The following RASIP1 variants were observed in gnomAD, a reference collection of about 807,000 sequenced individuals.
The protein encoded by RASIP1 is Ras interacting protein 1, also known as ras-interacting protein 1.
Under a neutral mutation model 85.3 loss-of-function variants are expected in RASIP1, and 20 were observed. That is an observed-to-expected ratio of 0.23 (90% CI 0.17 to 0.34). The LOEUF (loss-of-function observed/expected upper bound fraction) is 0.34. Ranked by LOEUF, RASIP1 falls within the 10% of genes least tolerant of loss-of-function variation. RASIP1 has a pLI of 1.00. For missense variants in RASIP1, 1,170 were observed against 1,390.9 expected (o/e 0.84, Z 2.53); for synonymous variants, 617 against 647.1 (o/e 0.95, Z 0.71).
chr19:48,727,869 G>A (rs1411370741), intron 5 of RASIP1, among the ~76,000 whole-genome samples: 1 of 151,488 alleles, frequency 6.6e-6, no homozygotes, highest in African/African-American at 2.4e-5. Context: ...TGCATTTTTA[G>A]TAGAGACGGG....
intron 4 of RASIP1, among the ~76,000 whole-genome samples, chr19:48,734,550 C>T (rs964646552): frequency 6.7e-5 from 10 of 148,202 alleles, no homozygotes; most frequent in Non-Finnish European, 1.3e-4. Flanking sequence ...TGCAATGGAA[C>T]GATCTTGGCT....
rs1424604370 is a variant in RASIP1, at chr19:48,732,048, C to G, written c.1180-2458G>C. Among the ~76,000 whole-genome samples, 2 of 146,248 alleles carry G rather than the reference C, an allele frequency of 1.4e-5. 1 individual carries two copies. The highest frequency in any genetic ancestry group is 3.0e-5 in the Non-Finnish European group (2 of 66,144). On this transcript the variant is annotated intron_variant, in intron 4 of 11. Coordinates refer to ENST00000222145, the MANE Select transcript of RASIP1 (RefSeq NM_017805.3). ...AAGGAATGAACAATTCAAATGAAAC[C>G]TTTTTTTTTTAATCTCTTTTTTTTT...
chr19:48,728,455 G>T (rs895600172), intron 5 of RASIP1, among the ~76,000 whole-genome samples: 2 of 151,974 alleles, frequency 1.3e-5, no homozygotes, highest in African/African-American at 4.8e-5. Flanking sequence ...GCATTCTATG[G>T]GGGGGCCCCT....
In RASIP1 at chr19:48,727,397, C is replaced by G; in HGVS notation, c.1867G>C (p.Glu623Gln). The change falls in exon 6 of 12, where the codon GAA becomes CAA. Residue 623 changes from glutamate to glutamine, a missense_variant. By Grantham distance (29) the Glu-to-Gln change is conservative. Transcript: ENST00000222145. ...TCTGCTCAGAATTTCTCTTACTTTT[C>G]TGGCTGACGGTCTCCAATTTCCTTA... ...KIKEIGDRQP[E>Q]NHPEGVPEVP... is the part of the protein sequence containing the mutation. The G allele has an allele frequency of 6.2e-7, 1 of 1,614,072 alleles. No homozygotes were observed. The highest frequency in any genetic ancestry group is 8.5e-7 in the Non-Finnish European group (1 of 1,179,908).
rs1374733215 is a variant in RASIP1, at chr19:48,727,046, C to T, written c.1984G>A (p.Glu662Lys). 1 of 1,614,100 alleles carries T rather than the reference C, an allele frequency of 6.2e-7. No individual in the cohort carries two copies. The highest frequency in any genetic ancestry group is 8.5e-7 in the Non-Finnish European group (1 of 1,180,062). The change falls in exon 7 of 12, where the codon GAG becomes AAG. Residue 662 changes from glutamate (E) to lysine (K), a missense_variant. Physicochemically the swap from Glu to Lys is moderately conservative, Grantham distance 56. Coordinates refer to ENST00000222145, the MANE Select transcript of RASIP1 (RefSeq NM_017805.3). ...TCCTTCTCCATTTCCAGCACCTTCT[C>T]CTGCACAAAGCTAAGCAGCTCCGTG... ...NTTELLSFVQEKVLEMEKEAD... is the reference protein window; with the variant it reads ...NTTELLSFVQKKVLEMEKEAD...
At chr19:48,727,934 C>T (rs1341713932) in intron 5 of RASIP1, among the ~76,000 whole-genome samples, 2 of 151,968 alleles carry the variant, frequency 1.3e-5, no homozygotes, top group African/African-American at 2.4e-5. Flanking sequence ...GTGATCTGCC[C>T]GCCTCGGCCT....
intron 4 of RASIP1, 23 bp from the exon 5 acceptor site, chr19:48,729,613 C>A: frequency 6.4e-7 from 1 of 1,560,198 alleles, no homozygotes. Context: ...CGAGGATGCA[C>A]TAAGGACATC....
intron 4 of RASIP1, among the ~76,000 whole-genome samples, chr19:48,734,017 C>T (rs1355874346): frequency 1.3e-5 from 2 of 151,706 alleles, no homozygotes; most frequent in African/African-American, 4.8e-5. Context: ...TTTTTTAGGC[C>T]GGGCACAGTG....
At chr19:48,723,733 T>A (rs963461344) in intron 10 of RASIP1, among the ~76,000 whole-genome samples, 19 of 151,962 alleles carry the variant, frequency 1.3e-4, no homozygotes, top group Admixed American at 7.9e-4. Context: ...ATGAATGTTT[T>A]AATCATCATG....
rs746487861 is a variant in RASIP1 at position 48,740,159 on chromosome 19, C to T, written c.124G>A (p.Ala42Thr). 5 of 1,591,934 alleles carry T rather than the reference C, an allele frequency of 3.1e-6. No individual in the cohort carries two copies. The highest frequency in any genetic ancestry group is 2.7e-5 in the African/African-American group (2 of 73,120). Residue 42 changes from alanine to threonine, a missense_variant, in exon 2 of 12, where the codon GCA (alanine) becomes ACA (threonine). By Grantham distance (58) the Ala-to-Thr change is moderately conservative. This residue lies in a region of RASIP1 where 299 missense variants were observed against 394.4 expected (regional missense o/e 0.76). Coordinates refer to ENST00000222145, the MANE Select transcript of RASIP1 (RefSeq NM_017805.3). The surrounding 1 kb of genome is among the most constrained non-coding windows in gnomAD (Gnocchi z 5.5). ...GATGGCACTCACTTGACAGAGGCTG[C>T]GCTGGGCCAGCGCCGCCCCAGCTTC... The part of the protein sequence containing the change: ...LAKLGRRWPS[A>T]ASVKSSSSDT...
At chr19:48,721,802 C>G in intron 11 of RASIP1, 52 bp downstream of exon 11, 7 of 1,544,062 alleles carry the variant, frequency 4.5e-6, no homozygotes, top group Non-Finnish European at 5.2e-6. Context: ...GACTCCGTCT[C>G]AAAAGAAGAA....
rs2033605082 is a variant in RASIP1, at chr19:48,738,098, C to G, written c.823+862G>C. 1.3e-5 allele frequency among the ~76,000 whole-genome samples: 2 copies of G among 152,156 alleles called. No individual in the cohort carries two copies. Among genetic ancestry groups the G allele is most frequent in the South Asian group, 4.1e-4 (2 of 4,826 alleles). ...TAGCTGGGATTACAGGCATGCGTCA[C>G]CACGCTCGGCTAATTTTTGTATTTT... is the stretch of plus-strand genomic sequence containing the variant. On this transcript the variant is annotated intron_variant, in intron 3 of 11. Coordinates refer to ENST00000222145, the MANE Select transcript of RASIP1 (RefSeq NM_017805.3). The surrounding 1 kb of genome is among the most constrained non-coding windows in gnomAD (Gnocchi z 4.0).
intron 4 of RASIP1, among the ~76,000 whole-genome samples, chr19:48,731,143 T>G (rs2033450117): frequency 1.3e-5 from 2 of 151,282 alleles, no homozygotes. Flanking sequence ...GTGAGGTGGC[T>G]CATGCCTATA....
intron 4 of RASIP1, among the ~76,000 whole-genome samples, chr19:48,730,538 C>A (rs1166641360): frequency 6.6e-6 from 1 of 152,096 alleles, no homozygotes; most frequent in Non-Finnish European, 1.5e-5. Context: ...ATCCCTATTT[C>A]TAAAATGAAC....
At position 48,740,255 on chromosome 19, in the gene RASIP1, C is replaced by T; in HGVS notation, c.28G>A (p.Gly10Arg). The T allele has an allele frequency of 1.3e-6, 2 of 1,587,670 alleles. No individual in the cohort carries two copies. The highest frequency in any genetic ancestry group is 1.7e-6 in the Non-Finnish European group (2 of 1,169,890). ...TGAAGCTTCCCGAAGCGGGGGCTTC[C>T]GCCCTCCTTCCGTTCACCAGACAGC... is the stretch of plus-strand genomic sequence containing the variant. MLSGERKEG[G>R]SPRFGKLHLP... The change falls in exon 2 of 12, where the codon GGA (glycine) becomes AGA (arginine). Residue 10 changes from glycine (G) to arginine (R), a missense_variant. Gly to Arg is a moderately radical substitution (Grantham distance 125, BLOSUM62 -2). Around this residue, in one of 4 missense-constraint regions of RASIP1, gnomAD observed 299 missense variants for 394.4 expected, o/e 0.76. Coordinates refer to ENST00000222145, the MANE Select transcript of RASIP1 (RefSeq NM_017805.3). This position sits in a 1 kb window ranked among gnomAD's most constrained non-coding sequence, Gnocchi z 5.5.
Position 48,739,575 on chromosome 19 carries a change from G to T in RASIP1, c.208C>A (p.Arg70=). The T allele has an allele frequency of 6.7e-7, 1 of 1,496,618 alleles. No homozygotes were observed. 92.7% of individuals were successfully genotyped at this position (1,496,618 alleles called of 1,614,324 possible). The stretch of plus-strand genomic sequence containing the variant: ...GCCGCCTTGACAGCGCCCACTCGCC[G>T]CAGCTCCACGTGCGGCGGGGGCGGA... ...LPPPPPHVEL[R]RVGAVKAAGG... Residue 70 remains arginine (R), a synonymous_variant, in exon 3 of 12, where the codon CGG becomes AGG. Coordinates refer to ENST00000222145, the MANE Select transcript of RASIP1 (RefSeq NM_017805.3). This position sits in a 1 kb window ranked among gnomAD's most constrained non-coding sequence, Gnocchi z 9.2.
chr19:48,735,793 CTTT>C (rs113487965), intron 3 of RASIP1, among the ~76,000 whole-genome samples: 30 of 145,290 alleles, frequency 2.1e-4, no homozygotes, highest in Non-Finnish European at 1.2e-4. Context: ...ATTTGTTCTT[CTTT>C]TTTTTTTTTT....
chr19:48,737,312 A>T, intron 3 of RASIP1: 1 of 265,796 alleles, frequency 3.8e-6, no homozygotes, highest in Non-Finnish European at 5.8e-6. Context: ...TTGAATTGCT[A>T]CAACATTCTA....
rs778979208 is a variant in RASIP1, at chr19:48,720,945, C to T, written c.2745G>A (p.Gly915=). The T allele has an allele frequency of 6.2e-7, 1 of 1,612,940 alleles. No individual in the cohort carries two copies. The highest frequency in any genetic ancestry group is 1.7e-5 in the Admixed American group (1 of 59,988). The change falls in exon 12 of 12, where the codon GGG becomes GGA. Residue 915 remains glycine, a synonymous_variant. Coordinates refer to ENST00000222145, the MANE Select transcript of RASIP1 (RefSeq NM_017805.3). ...SSHPPLILPL[G]SSRLRLTGPV... The stretch of plus-strand genomic sequence containing the variant: ...GACCAGTGAGGCGCAGGCGCGAGCT[C>T]CCCAGGGGGAGGATGAGGGGCGGGT...
Sources: allele counts gnomAD v4.1 joint callset (sites outside exome capture counted in the v4.1 genomes callset), GRCh38; gene constraint gnomAD v4.1.1; regional missense constraint gnomAD v4.1.1; non-coding constraint Gnocchi (gnomAD v3.1); transcripts MANE v1.5; gene names NCBI Gene and HGNC (gene_info 2026-07-23, HGNC 2026-07-21).